Variants in ELFN1 observed in about 807,000 individuals in gnomAD.
The protein encoded by ELFN1 is extracellular leucine rich repeat and fibronectin type III domain containing 1.
ELFN1 carries 6 observed loss-of-function variants against 7.6 expected under a neutral mutation model. The ratio of observed to expected loss-of-function variants is 0.79; its 90% CI spans 0.43 to 1.56. ELFN1 has a LOEUF of 1.56. Ranked by LOEUF, ELFN1 falls within the 40% of genes most tolerant of loss-of-function variation. The pLI, the probability that ELFN1 is intolerant of heterozygous loss-of-function variation, is 0.01. For synonymous variants in ELFN1, 657 were observed against 588.1 expected, an observed-to-expected ratio of 1.12 and a Z score of -1.70; for missense variants, 1,169 against 1,232.2, an observed-to-expected ratio of 0.95 and a Z score of 0.77.
intron 2 of ELFN1, chr7:1,694,396 C>G (rs1349324234): frequency 6.5e-6 from 1 of 155,020 alleles, no homozygotes; most frequent in East Asian, 1.9e-4. Flanking sequence ...GTCATCCGCT[C>G]AGTTGGCAGG....
At chr7:1,702,776 G>A (rs182895892) in intron 2 of ELFN1, among the ~76,000 whole-genome samples, 30 of 151,392 alleles carry the variant, frequency 2.0e-4, no homozygotes, top group Non-Finnish European at 3.2e-4. Flanking sequence ...CGAGAGCTTC[G>A]TTTCTTTCTT....
In ELFN1 at chr7:1,746,971, A is replaced by G; in HGVS notation, c.2375A>G (p.Glu792Gly). 2 of 1,556,260 alleles carry G rather than the reference A, an allele frequency of 1.3e-6. No homozygotes were observed. Among genetic ancestry groups the G allele is most frequent in the Non-Finnish European group, 1.7e-6 (2 of 1,150,702 alleles). ...CGCCGGCGGCACAAGGAGGAAGAGG[A>G]GTTCATGGCCGCGGGCCATGCCCTG... ...LSRRRHKEEE[E>G]FMAAGHALRK... The change falls in exon 4 of 4, where the codon GAG becomes GGG. Residue 792 changes from glutamate to glycine, a missense_variant. This residue lies in a region of ELFN1 where 914 missense variants were observed against 872.6 expected (regional missense o/e 1.05). Coordinates refer to ENST00000424383, the MANE Select transcript of ELFN1 (RefSeq NM_001128636.4).
At chr7:1,704,537 T>G (rs1779490545) in intron 2 of ELFN1, among the ~76,000 whole-genome samples, 1 of 152,108 alleles carries the variant, frequency 6.6e-6, no homozygotes, top group East Asian at 1.9e-4. Flanking sequence ...TGTGGGTCAC[T>G]GGGTCTCGAC....
intron 1 of ELFN1, among the ~76,000 whole-genome samples, chr7:1,687,465 C>T (rs117997666): frequency 0.013 from 2,050 of 152,080 alleles, 15 homozygotes; most frequent in Non-Finnish European, 0.02. Context: ...ATACTTGTAT[C>T]TCAGAAGCCC....
intron 3 of ELFN1, among the ~76,000 whole-genome samples, chr7:1,712,910 G>A (rs143535781): frequency 1.3e-5 from 2 of 152,204 alleles, no homozygotes; most frequent in Middle Eastern, 3.2e-3. Context: ...CCCCTCAGGA[G>A]GGAAGCGTTC....
At chr7:1,728,612 C>T (rs1047703818) in intron 3 of ELFN1, among the ~76,000 whole-genome samples, 1 of 152,234 alleles carries the variant, frequency 6.6e-6, no homozygotes, top group African/African-American at 2.4e-5. Flanking sequence ...ATGCAAATCC[C>T]ACCGATGGCT....
At chr7:1,724,137 C>G (rs867689837) in intron 3 of ELFN1, among the ~76,000 whole-genome samples, 1 of 152,316 alleles carries the variant, frequency 6.6e-6, no homozygotes, top group Middle Eastern at 3.4e-3. Flanking sequence ...ACAGACGTCA[C>G]AGGGTTACCA....
chr7:1,667,856 G>T (rs935925625), upstream of ELFN1, among the ~76,000 whole-genome samples: 6 of 152,104 alleles, frequency 3.9e-5, no homozygotes, highest in Non-Finnish European at 7.4e-5. This position sits in a 1 kb window ranked among gnomAD's most constrained non-coding sequence, Gnocchi z 8.2. Flanking sequence ...GGCGGCGCCG[G>T]CGTCCGGGTA....
In ELFN1 at chr7:1,739,091, C is replaced by T. The variant is rs960646888; in HGVS notation, c.-293-5213C>T. The T allele has an allele frequency of 6.6e-6, 1 of 151,998 alleles. No homozygotes were observed. Among genetic ancestry groups the T allele is most frequent in the Non-Finnish European group, 1.5e-5 (1 of 68,068 alleles). The allele number at this position is 151,998 out of a possible 1,614,324, so 9.4% of individuals were successfully genotyped here. A position where few individuals can be genotyped will look rare whatever the true frequency, so the allele number is the denominator to read the frequency against. ...AGGAGCGGAGGCCCATCCAGTGGGCCCTGGAGATTGTGTCTGGAGGCCGGA... is the reference window on the plus strand; with the variant it reads ...AGGAGCGGAGGCCCATCCAGTGGGCTCTGGAGATTGTGTCTGGAGGCCGGA... On this transcript the variant is annotated intron_variant, in intron 3 of 3. Transcript: ENST00000424383. This position sits in a 1 kb window ranked among gnomAD's most constrained non-coding sequence, Gnocchi z 4.6.
rs1318619669 is a variant in ELFN1, at chr7:1,735,557, C to T, written c.-293-8747C>T. On this transcript the variant is annotated intron_variant, in intron 3 of 3. Coordinates refer to ENST00000424383, the MANE Select transcript of ELFN1 (RefSeq NM_001128636.4). The surrounding 1 kb of genome is among the most constrained non-coding windows in gnomAD (Gnocchi z 5.9). Reference sequence around the variant, plus strand: ...CCAGCCCTGGCCTTGCCTGCAACCCCCGCCAGCCTCCCCTGGACAATAGGA... The same window carrying T: ...CCAGCCCTGGCCTTGCCTGCAACCCTCGCCAGCCTCCCCTGGACAATAGGA... Among the ~76,000 whole-genome samples, 3 of 152,058 alleles carry T rather than the reference C, an allele frequency of 2.0e-5. No homozygotes were observed. Among genetic ancestry groups the T allele is most frequent in the Non-Finnish European group, 4.4e-5 (3 of 67,994 alleles).
intron 3 of ELFN1, among the ~76,000 whole-genome samples, chr7:1,737,640 G>A (rs887414470): frequency 6.6e-6 from 1 of 151,998 alleles, no homozygotes; most frequent in African/African-American, 2.4e-5. Flanking sequence ...GGGCATTCCC[G>A]CTCACACCAC....
chr7:1,703,906 C>T (rs974260231), intron 2 of ELFN1, among the ~76,000 whole-genome samples: 4 of 152,196 alleles, frequency 2.6e-5, no homozygotes, highest in East Asian at 1.9e-4. Context: ...GGGCTGTCGC[C>T]GGACTGTGTG....
chr7:1,741,979 G>C (rs1396491324), intron 3 of ELFN1, among the ~76,000 whole-genome samples: 5 of 147,058 alleles, frequency 3.4e-5, no homozygotes, highest in Admixed American at 1.5e-4. Context: ...CACACACACA[G>C]ACAACCTGGC....
At chr7:1,689,315 T>C (rs1275289519) in intron 2 of ELFN1, among the ~76,000 whole-genome samples, 1 of 152,266 alleles carries the variant, frequency 6.6e-6, no homozygotes, top group Non-Finnish European at 1.5e-5. Flanking sequence ...ATTTCAGCAT[T>C]GCACAGGCTT....
rs913636272 is a variant in ELFN1, at chr7:1,697,517, T to G, written c.-456+9367T>G. Among the ~76,000 whole-genome samples the G allele has an allele frequency of 1.9e-4, 29 of 152,228 alleles. 1 individual carries two copies. The highest frequency in any genetic ancestry group is 6.8e-4 in the African/African-American group (28 of 41,472). On this transcript the variant is annotated intron_variant, in intron 2 of 3. Transcript: ENST00000424383. ...GGCCAGCCCGGTGTATAGCACGTGT[T>G]TAGGGTCTGGGTTCCCAGCTTCCCA... is the stretch of plus-strand genomic sequence containing the variant.
rs142290951 is a variant in ELFN1, at chr7:1,736,542, G to A, written c.-293-7762G>A. On this transcript the variant is annotated intron_variant, in intron 3 of 3. Coordinates refer to ENST00000424383, the MANE Select transcript of ELFN1 (RefSeq NM_001128636.4). ...TTTCATTAGTGATGACACAGGCCGCGGAAGGAACTTGGTGCCCACCTCACA... is the reference window on the plus strand; with the variant it reads ...TTTCATTAGTGATGACACAGGCCGCAGAAGGAACTTGGTGCCCACCTCACA... Among the ~76,000 whole-genome samples, 7 of 152,364 alleles carry A rather than the reference G, an allele frequency of 4.6e-5. No individual in the cohort carries two copies. In the East Asian group the frequency reaches 1.2e-3, roughly 25 times the overall value.
At chr7:1,676,855 G>C (rs766679528) in intron 1 of ELFN1, among the ~76,000 whole-genome samples, 1 of 152,200 alleles carries the variant, frequency 6.6e-6, no homozygotes, top group African/African-American at 2.4e-5. Context: ...GTTGGTACTC[G>C]GATTGCTTCG....
chr7:1,678,731 G>A (rs1051394238), intron 1 of ELFN1, among the ~76,000 whole-genome samples: 6 of 152,128 alleles, frequency 3.9e-5, no homozygotes, highest in Non-Finnish European at 8.8e-5. Context: ...CCTGAGCCTC[G>A]GCTCTCACTT....
intron 2 of ELFN1, among the ~76,000 whole-genome samples, chr7:1,689,909 C>T (rs1007525826): frequency 7.9e-5 from 12 of 152,196 alleles, no homozygotes; most frequent in Non-Finnish European, 1.8e-4. Flanking sequence ...TGAGCCAATG[C>T]AGTCACAGAA....
Sources: gnomAD v4.1 joint callset for allele counts (sites outside exome capture counted in the v4.1 genomes callset) on GRCh38, gnomAD v4.1.1 for gene constraint, gnomAD v4.1.1 regional missense constraint, Gnocchi (gnomAD v3.1) non-coding constraint, MANE v1.5 for transcripts, NCBI Gene and HGNC (gene_info 2026-07-23, HGNC 2026-07-21) for gene names.